AGBL4: variants seen among roughly 807,000 people sequenced by gnomAD.
AGBL4 encodes AGBL carboxypeptidase 4, also known as cytosolic carboxypeptidase 6.
Under a neutral mutation model 66.4 loss-of-function variants are expected in AGBL4, and 58 were observed. The observed-to-expected ratio is 0.87, with a 90% CI of 0.71 to 1.09. AGBL4 has a LOEUF of 1.09. Ranked by LOEUF, AGBL4 falls within the 50% of genes least tolerant of loss-of-function variation. The pLI is 0.00. For missense variants in AGBL4, 579 were observed against 631.0 expected (o/e 0.92, Z 0.88); for synonymous variants, 234 against 222.9 (o/e 1.05, Z -0.44).
At chr1:49,933,727 A>G (rs1025242218) in intron 1 of AGBL4, among the ~76,000 whole-genome samples, 4 of 152,136 alleles carry the variant, frequency 2.6e-5, no homozygotes, top group African/African-American at 9.6e-5. Flanking sequence ...TATTGTAACT[A>G]CAGAATATTT....
At chr1:49,102,307 C>T (rs1645216884) in intron 4 of AGBL4, among the ~76,000 whole-genome samples, 1 of 152,106 alleles carries the variant, frequency 6.6e-6, no homozygotes, top group Non-Finnish European at 1.5e-5. Flanking sequence ...AAGTAAAAAT[C>T]CGAGAGATCA....
intron 3 of AGBL4, among the ~76,000 whole-genome samples, chr1:49,594,201 G>A (rs1644807283): frequency 6.6e-6 from 1 of 152,110 alleles, no homozygotes; most frequent in Admixed American, 6.6e-5. Context: ...GTTGTTCAAG[G>A]TTCAATTGTA....
At chr1:49,573,709 G>A (rs1558065983) in intron 3 of AGBL4, among the ~76,000 whole-genome samples, 1 of 152,174 alleles carries the variant, frequency 6.6e-6, no homozygotes, top group Non-Finnish European at 1.5e-5. Context: ...CTCTTATAAT[G>A]TGAGTGGCTG....
intron 3 of AGBL4, among the ~76,000 whole-genome samples, chr1:49,448,023 T>C (rs1440128455): frequency 6.6e-6 from 1 of 152,018 alleles, no homozygotes; most frequent in Admixed American, 6.6e-5. Context: ...TGCTATGGAG[T>C]TGAGTGCAAG....
intron 6 of AGBL4, among the ~76,000 whole-genome samples, chr1:48,861,146 G>A (rs1175393130): frequency 6.6e-6 from 1 of 152,108 alleles, no homozygotes; most frequent in Non-Finnish European, 1.5e-5. Flanking sequence ...AAAAAATCTA[G>A]ACTAGACATG....
At chr1:49,867,756 C>A in intron 1 of AGBL4, among the ~76,000 whole-genome samples, 1 of 152,102 alleles carries the variant, frequency 6.6e-6, no homozygotes, top group East Asian at 1.9e-4. Context: ...CATTACCAGC[C>A]ACTACAAAAA....
chr1:50,011,912 C>T (rs1183305944), intron 1 of AGBL4, among the ~76,000 whole-genome samples: 1 of 152,138 alleles, frequency 6.6e-6, no homozygotes, highest in African/African-American at 2.4e-5. Context: ...GTAATCCCAG[C>T]ACTTTGGGAG....
intron 1 of AGBL4, among the ~76,000 whole-genome samples, chr1:49,877,794 T>C (rs1219296378): frequency 5.3e-5 from 8 of 151,172 alleles, no homozygotes; most frequent in Non-Finnish European, 8.9e-5. Flanking sequence ...GGTCCTGGAC[T>C]CTTTTTGGTT....
rs1345988911 is a variant in AGBL4, at chr1:49,247,119, T to C, written c.283-1255A>G. 5.9e-5 allele frequency among the ~76,000 whole-genome samples: 9 copies of C among 152,074 alleles called. No individual in the cohort carries two copies. In the East Asian group the frequency reaches 1.7e-3, roughly 29 times the overall value. On this transcript the variant is annotated intron_variant, in intron 3 of 13. Transcript: ENST00000371839. ...GAATTCAGGGGATAAACAGATAAGA[T>C]GTCCATGATTTTTACTCTTGAGTTA... is the stretch of plus-strand genomic sequence containing the variant.
intron 2 of AGBL4, among the ~76,000 whole-genome samples, chr1:49,754,796 A>C (rs2147847615): frequency 6.6e-6 from 1 of 152,316 alleles, no homozygotes; most frequent in Non-Finnish European, 1.5e-5. Context: ...CCATGGATTT[A>C]TTTTAAGAAA....
chr1:49,901,893 C>T (rs1468829184), intron 1 of AGBL4, among the ~76,000 whole-genome samples: 2 of 152,154 alleles, frequency 1.3e-5, no homozygotes, highest in Admixed American at 1.3e-4. Context: ...CTCATACTTA[C>T]AGCCATCTGA....
chr1:49,169,217 T>C (rs750162330), intron 4 of AGBL4, among the ~76,000 whole-genome samples: 10 of 152,114 alleles, frequency 6.6e-5, no homozygotes, highest in Admixed American at 1.3e-4. Flanking sequence ...GTCACAGTTG[T>C]AGGAAGGAAG....
intron 4 of AGBL4, among the ~76,000 whole-genome samples, chr1:49,139,268 A>C (rs617996): frequency 0.44 from 66,729 of 151,944 alleles, 17,041 homozygotes; most frequent in Non-Finnish European, 0.58. Flanking sequence ...AAGTGCAATA[A>C]TTCAGGCAAA....
intron 3 of AGBL4, among the ~76,000 whole-genome samples, chr1:49,501,544 TCTTA>T (rs1440183494): frequency 1.3e-5 from 2 of 150,840 alleles, no homozygotes; most frequent in African/African-American, 4.8e-5. Context: ...TCCCTTTTTT[TCTTA>T]GTCTACCTGA....
rs1009391762 is a variant in AGBL4, at chr1:48,634,699, C to T, written c.840-95G>A. On this transcript the variant is annotated intron_variant, in intron 8 of 13. Coordinates refer to ENST00000371839, the MANE Select transcript of AGBL4 (RefSeq NM_032785.4). ...TTATGAGTAGGAGCAGTGATTATGT[C>T]ACTTACCTAGCATTTATCATTTTCC... 1.8e-5 allele frequency: 14 copies of T among 771,908 alleles called. No homozygotes were observed. In the African/African-American group the frequency reaches 2.1e-4, roughly 12 times the overall value. 47.8% of individuals were successfully genotyped at this position (771,908 alleles called of 1,614,324 possible).
intron 3 of AGBL4, among the ~76,000 whole-genome samples, chr1:49,584,154 C>A (rs937439070): frequency 6.6e-6 from 1 of 152,188 alleles, no homozygotes; most frequent in Non-Finnish European, 1.5e-5. Flanking sequence ...AGTGGAAACA[C>A]TTTACTTCAG....
At chr1:49,281,486 T>G (rs2148404806) in intron 3 of AGBL4, among the ~76,000 whole-genome samples, 1 of 152,252 alleles carries the variant, frequency 6.6e-6, no homozygotes, top group Non-Finnish European at 1.5e-5. Flanking sequence ...TTCCTGTCTG[T>G]TTGCTCAGAC....
At chr1:49,580,673 T>C (rs1644524414) in intron 3 of AGBL4, among the ~76,000 whole-genome samples, 1 of 152,208 alleles carries the variant, frequency 6.6e-6, no homozygotes. Flanking sequence ...TAGAATTCTT[T>C]ACTGACAGTT....
intron 1 of AGBL4, among the ~76,000 whole-genome samples, chr1:49,959,954 G>A (rs987664141): frequency 6.6e-6 from 1 of 151,886 alleles, no homozygotes; most frequent in Admixed American, 6.6e-5. Context: ...CTTTTAAGTG[G>A]GAGCTAAACG....
Sources: allele counts gnomAD v4.1 joint callset (sites outside exome capture counted in the v4.1 genomes callset), GRCh38; gene constraint gnomAD v4.1.1; transcripts MANE v1.5; gene names NCBI Gene and HGNC (gene_info 2026-07-23, HGNC 2026-07-21).